The following DGKA variants were observed in gnomAD, a reference collection of about 807,000 sequenced individuals.
The protein encoded by DGKA is diacylglycerol kinase alpha.
Under a neutral mutation model 105.0 loss-of-function variants are expected in DGKA, and 35 were observed. The observed-to-expected ratio is 0.33, with a 90% CI of 0.25 to 0.44. The LOEUF is 0.44. Among genes scored for constraint, DGKA ranks in the 20% least tolerant of loss-of-function variants. The pLI is 1.00. For missense variants in DGKA, 665 were observed against 915.0 expected (o/e 0.73, Z 3.53); for synonymous variants, 296 against 332.0 (o/e 0.89, Z 1.18).
At chr12:55,950,855 C>T (rs987657493) in intron 17 of DGKA, among the ~76,000 whole-genome samples, 1 of 152,004 alleles carries the variant, frequency 6.6e-6, no homozygotes, top group African/African-American at 2.4e-5. Flanking sequence ...CTACCATGTC[C>T]GTCTAGTTTT....
At chr12:55,942,438 G>T in intron 17 of DGKA, 175 bp downstream of exon 17, 1 of 621,148 alleles carries the variant, frequency 1.6e-6, no homozygotes, top group Non-Finnish European at 2.8e-6. Context: ...GAAGAAGCAG[G>T]GACCACAATC....
intron 1 of DGKA, among the ~76,000 whole-genome samples, chr12:55,933,913 A>G (rs1224820082): frequency 2.6e-5 from 4 of 152,218 alleles, no homozygotes; most frequent in Non-Finnish European, 5.9e-5. Flanking sequence ...ATTCTGTGCC[A>G]TGCTGTTTGC....
Position 55,942,203 on chromosome 12 carries a change from G to C in DGKA, c.1366G>C (p.Val456Leu). The change falls in exon 17 of 24, where the codon GTT becomes CTT. Residue 456 changes from valine (V) to leucine (L), a missense_variant. Physicochemically the swap from Val to Leu is conservative, Grantham distance 32 (BLOSUM62 1). Coordinates refer to ENST00000331886, the MANE Select transcript of DGKA (RefSeq NM_001345.5). The stretch of plus-strand genomic sequence containing the variant: ...AGCTAACTTGCCAGTTTTGCCTCCT[G>C]TTGCTGTGTTGCCCCTGGGTACTGG... ...DKANLPVLPP[V>L]AVLPLGTGND... is the part of the protein sequence containing the mutation. 6.2e-7 allele frequency: 1 copy of C among 1,614,246 alleles called. No homozygotes were observed. Among genetic ancestry groups the C allele is most frequent in the Non-Finnish European group, 8.5e-7 (1 of 1,180,048 alleles).
At chr12:55,936,247 G>C (rs1884674574) in intron 1 of DGKA, 176 bp from the exon 2 acceptor site, 5 of 687,640 alleles carry the variant, frequency 7.3e-6, no homozygotes, top group Non-Finnish European at 1.1e-5. Flanking sequence ...CACTGTCAGG[G>C]AAGGTAGAGG....
At chr12:55,951,838 G>A (rs966948874) in intron 18 of DGKA, 55 bp downstream of exon 18, 1 of 1,594,032 alleles carries the variant, frequency 6.3e-7, no homozygotes, top group Non-Finnish European at 8.6e-7. Context: ...AGCAGTCAGA[G>A]GCTGGAGGAG....
intron 1 of DGKA, chr12:55,935,358 T>C (rs1046720911): frequency 6.6e-6 from 1 of 152,234 alleles, no homozygotes; most frequent in African/African-American, 2.4e-5. Context: ...GGGACCCAGA[T>C]ATGACTGATC....
Position 55,937,069 on chromosome 12 carries a change from G to A in DGKA, c.117G>A (p.Met39Ile), listed in dbSNP as rs1297464437. 3 of 1,613,998 alleles carry A rather than the reference G, an allele frequency of 1.9e-6. No individual in the cohort carries two copies. Among genetic ancestry groups the A allele is most frequent in the South Asian group, 1.1e-5 (1 of 91,086 alleles). ...TAAAGCTCTTCGAGGATGGCGAGAT[G>A]GCTAAATATGTCCAAGGAGATGTGA... ...DVLKLFEDGE[M>I]AKYVQGDAIG... The change falls in exon 3 of 24, where the codon ATG (methionine) becomes ATA (isoleucine). Residue 39 changes from methionine (M) to isoleucine (I), a missense_variant. Transcript: ENST00000331886.
rs1338568501 is a variant in DGKA at position 55,939,462 on chromosome 12, C to T, written c.642C>T (p.Pro214=). The change falls in exon 9 of 24, where the codon CCC becomes CCT. Residue 214 remains proline (P), a synonymous_variant. Transcript: ENST00000331886. The part of the protein sequence containing the change: ...GQHMWRPKRF[P]RPVYCNLCES... ...ACATGTGGAGGCCCAAGAGGTTCCCCAGACCAGTCTACTGCAATCTGTGCG... is the reference window on the plus strand; with the variant it reads ...ACATGTGGAGGCCCAAGAGGTTCCCTAGACCAGTCTACTGCAATCTGTGCG... 1.9e-6 allele frequency: 3 copies of T among 1,614,208 alleles called. No individual in the cohort carries two copies. In the South Asian group the frequency reaches 3.3e-5, roughly 18 times the overall value.
In DGKA at chr12:55,952,129, T is replaced by A. The variant is rs1343915364; in HGVS notation, c.1652+30T>A. The A allele has an allele frequency of 6.2e-7, 1 of 1,613,492 alleles. No individual in the cohort carries two copies. Among genetic ancestry groups the A allele is most frequent in the African/African-American group, 1.3e-5 (1 of 74,994 alleles). On this transcript the variant is annotated intron_variant, in intron 19 of 23. Transcript: ENST00000331886. The surrounding 1 kb of genome is among the most constrained non-coding windows in gnomAD (Gnocchi z 5.1). ...GGGAAAGGAGGGGGCAGTGTGGGCA[T>A]ACACAGTGTCAGGAGCCAGGTTTTG...
chr12:55,932,486 C>T lies in DGKA; in HGVS notation c.-82+1142C>T. On this transcript the variant is annotated intron_variant, in intron 1 of 23. Transcript: ENST00000331886. The surrounding 1 kb of genome is among the most constrained non-coding windows in gnomAD (Gnocchi z 4.3). Reference sequence around the variant, plus strand: ...GGCCTCCAGGTCCCCAACTTCCCACCCCATCCTCTCCCCACCTGTCACTGG... The same window carrying T: ...GGCCTCCAGGTCCCCAACTTCCCACTCCATCCTCTCCCCACCTGTCACTGG... The T allele has an allele frequency of 1.4e-6, 1 of 700,940 alleles. No homozygotes were observed. Among genetic ancestry groups the T allele is most frequent in the Non-Finnish European group, 2.6e-6 (1 of 383,922 alleles). 43.4% of individuals were successfully genotyped at this position (700,940 alleles called of 1,614,324 possible).
intron 1 of DGKA, 28 bp from the exon 2 acceptor site, chr12:55,936,395 C>G: frequency 6.7e-7 from 1 of 1,491,216 alleles, no homozygotes. Flanking sequence ...TGGCTCTTCC[C>G]ACTGTACGCT....
chr12:55,946,637 G>A (rs148642106), intron 17 of DGKA, among the ~76,000 whole-genome samples: 2,153 of 152,312 alleles, frequency 0.014, 53 homozygotes, highest in African/African-American at 0.05. Context: ...GATTACAGGC[G>A]TGAGCCACCT....
At position 55,953,126 on chromosome 12, in the gene DGKA, C is replaced by T. The variant is rs373733309; in HGVS notation, c.2029C>T (p.Arg677Cys). ...QIYTKLKNAGRRLAKCSEITF... is the reference protein window; with the variant it reads ...QIYTKLKNAGCRLAKCSEITF... ...CTATACCAAGCTCAAGAATGCTGGACGTCGGCTGGCCAAGTGCTCTGAGAT... is the reference window on the plus strand; with the variant it reads ...CTATACCAAGCTCAAGAATGCTGGATGTCGGCTGGCCAAGTGCTCTGAGAT... The change falls in exon 22 of 24, where the codon CGT (arginine) becomes TGT (cysteine). Residue 677 changes from arginine (R) to cysteine (C), a missense_variant. Coordinates refer to ENST00000331886, the MANE Select transcript of DGKA (RefSeq NM_001345.5). 6 of 1,614,068 alleles carry T rather than the reference C, an allele frequency of 3.7e-6. No homozygotes were observed. Among genetic ancestry groups the T allele is most frequent in the East Asian group, 2.2e-5 (1 of 44,884 alleles).
At chr12:55,935,303 A>C (rs1884412926) in intron 1 of DGKA, 1 of 152,240 alleles carries the variant, frequency 6.6e-6, no homozygotes, top group Non-Finnish European at 1.5e-5. Context: ...CCCATTTTGC[A>C]GATATAACTT....
upstream of DGKA, chr12:55,927,951 C>T (rs1883228344): frequency 3.0e-6 from 2 of 665,824 alleles, no homozygotes; most frequent in South Asian, 4.1e-5. Flanking sequence ...CTGGGCGGAC[C>T]TACTTAGTAT....
chr12:55,927,561 G>C, upstream of DGKA: 2 of 876,034 alleles, frequency 2.3e-6, no homozygotes, highest in South Asian at 3.3e-5. Flanking sequence ...CTCCAGGAAC[G>C]CACTGGGGCG....
In DGKA at chr12:55,932,381, C is replaced by G; in HGVS notation, c.-82+1037C>G. On this transcript the variant is annotated intron_variant, in intron 1 of 23. Transcript: ENST00000331886. This position sits in a 1 kb window ranked among gnomAD's most constrained non-coding sequence, Gnocchi z 4.3. Reference sequence around the variant, plus strand: ...GCTCATTCGGAGGGATGGTGAAGCCCGGTTCCTGGGACCCGACTCGGAGGG... The same window carrying G: ...GCTCATTCGGAGGGATGGTGAAGCCGGGTTCCTGGGACCCGACTCGGAGGG... The G allele has an allele frequency of 1.7e-6, 1 of 602,312 alleles. No homozygotes were observed. The highest frequency in any genetic ancestry group is 2.8e-5 in the East Asian group (1 of 35,912). 37.3% of individuals were successfully genotyped at this position (602,312 alleles called of 1,614,324 possible). A position where few individuals can be genotyped will look rare whatever the true frequency, so the allele number is the denominator to read the frequency against.
At position 55,940,479 on chromosome 12, in the gene DGKA, G is replaced by T. The variant is rs370811665; in HGVS notation, c.918+46G>T. On this transcript the variant is annotated intron_variant, in intron 11 of 23. Transcript: ENST00000331886. This position sits in a 1 kb window ranked among gnomAD's most constrained non-coding sequence, Gnocchi z 4.3. ...TTCTGGGTGCGTCTTACCCCGCAGA[G>T]CTGCCTTCTCCACGGGCCTCCGGCC... 4 of 1,606,810 alleles carry T rather than the reference G, an allele frequency of 2.5e-6. No individual in the cohort carries two copies. Among genetic ancestry groups the T allele is most frequent in the Non-Finnish European group, 3.4e-6 (4 of 1,175,982 alleles).
At position 55,932,416 on chromosome 12, in the gene DGKA, T is replaced by C. The variant is rs772697; in HGVS notation, c.-82+1072T>C. On this transcript the variant is annotated intron_variant, in intron 1 of 23. Coordinates refer to ENST00000331886, the MANE Select transcript of DGKA (RefSeq NM_001345.5). This position sits in a 1 kb window ranked among gnomAD's most constrained non-coding sequence, Gnocchi z 4.3. ...GACCCGACTCGGAGGGAAGTCCTCT[T>C]CGGAACCTCCACAGTGCCGCACGGG... 11 of 625,680 alleles carry C rather than the reference T, an allele frequency of 1.8e-5. No homozygotes were observed. In the East Asian group the frequency reaches 2.8e-4, roughly 16 times the overall value. 38.8% of individuals were successfully genotyped at this position (625,680 alleles called of 1,614,324 possible).
Sources: allele counts gnomAD v4.1 joint callset (sites outside exome capture counted in the v4.1 genomes callset), GRCh38; gene constraint gnomAD v4.1.1; non-coding constraint Gnocchi (gnomAD v3.1); transcripts MANE v1.5; gene names NCBI Gene and HGNC (gene_info 2026-07-23, HGNC 2026-07-21).